OPCML: variants seen among roughly 807,000 people sequenced by gnomAD.
OPCML encodes the protein opioid-binding protein/cell adhesion molecule.
Under a neutral mutation model 37.8 loss-of-function variants are expected in OPCML, and 13 were observed. The ratio of observed to expected loss-of-function variants is 0.34; its 90% CI spans 0.22 to 0.55. The LOEUF is 0.55. Among genes scored for constraint, OPCML ranks in the 20% least tolerant of loss-of-function variants. The pLI is 0.91. For synonymous variants in OPCML, 176 were observed against 168.8 expected (o/e 1.04, Z -0.33); for missense variants, 341 against 435.6 (o/e 0.78, Z 1.93).
intron 2 of OPCML, 71 bp from the exon 3 acceptor site, chr11:132,657,390 G>A (rs570890015): frequency 7.8e-6 from 12 of 1,538,528 alleles, no homozygotes; most frequent in African/African-American, 4.1e-5. Context: ...TATATAATAT[G>A]GTAAATAAGA....
intron 1 of OPCML, among the ~76,000 whole-genome samples, chr11:133,110,479 G>A (rs935080541): frequency 2.0e-5 from 3 of 152,122 alleles, no homozygotes; most frequent in African/African-American, 4.8e-5. Flanking sequence ...GCCCCCGTGC[G>A]TGATCCTACA....
At chr11:133,477,759 T>C (rs780215851) in intron 1 of OPCML, among the ~76,000 whole-genome samples, 20 of 152,162 alleles carry the variant, frequency 1.3e-4, no homozygotes, top group Admixed American at 2.6e-4. Flanking sequence ...TTTCTCAATC[T>C]CCTGGGGAGA....
intron 1 of OPCML, among the ~76,000 whole-genome samples, chr11:133,046,946 CA>C (rs1948028647): frequency 9.9e-6 from 1 of 100,560 alleles, no homozygotes; most frequent in African/African-American, 6.2e-5. Flanking sequence ...TTTAACTTTA[CA>C]ATTTTTTTTT....
chr11:133,316,103 C>T, intron 1 of OPCML, among the ~76,000 whole-genome samples: 1 of 152,016 alleles, frequency 6.6e-6, no homozygotes, highest in South Asian at 2.1e-4. Context: ...GAATTATAGG[C>T]AGACAGTGAA....
chr11:133,279,302 T>A lies in OPCML; in HGVS notation c.61+252962A>T, dbSNP rs1418303880. ...ATCCTCTCAGAATAGGTCATTTCTT[T>A]TTCAGGTCTTTATTCATGCTACAAA... On this transcript the variant is annotated intron_variant, in intron 1 of 7. Transcript: ENST00000524381. 3.3e-5 allele frequency among the ~76,000 whole-genome samples: 5 copies of A among 152,208 alleles called. No homozygotes were observed. The East Asian group carries it at 5.8e-4, about 18-fold the overall frequency.
At chr11:133,510,714 A>G (rs1948138205) in intron 1 of OPCML, among the ~76,000 whole-genome samples, 2 of 152,110 alleles carry the variant, frequency 1.3e-5, no homozygotes, top group Admixed American at 1.3e-4. Context: ...CCTGACCTAC[A>G]CGTTACCATG....
chr11:132,449,400 C>T (rs988394677), intron 4 of OPCML, among the ~76,000 whole-genome samples: 12 of 152,274 alleles, frequency 7.9e-5, no homozygotes, highest in Admixed American at 5.9e-4. Flanking sequence ...TATAACTAAT[C>T]ATCCACTTAG....
chr11:133,240,049 A>G (rs1940666231), intron 1 of OPCML, among the ~76,000 whole-genome samples: 1 of 152,012 alleles, frequency 6.6e-6, no homozygotes, highest in Admixed American at 6.6e-5. Context: ...CCAATTATTC[A>G]TTAAATAATT....
chr11:133,414,387 AGT>A (rs1297763540), intron 1 of OPCML, among the ~76,000 whole-genome samples: 5 of 152,168 alleles, frequency 3.3e-5, no homozygotes, highest in Non-Finnish European at 7.3e-5. Flanking sequence ...GATTTGCAGA[AGT>A]GTGTTAGGGG....
At chr11:132,993,827 C>A (rs59850341) in intron 1 of OPCML, among the ~76,000 whole-genome samples, 15,137 of 152,128 alleles carry the variant, frequency 0.1, 1,165 homozygotes, top group African/African-American at 0.21. Flanking sequence ...CCCCCCCACC[C>A]CGGAATCTGA....
intron 1 of OPCML, among the ~76,000 whole-genome samples, chr11:133,194,429 C>T (rs567527222): frequency 4.6e-5 from 7 of 152,180 alleles, no homozygotes; most frequent in African/African-American, 1.2e-4. Flanking sequence ...TGACTGGTCT[C>T]GAATTCCTGA....
intron 1 of OPCML, among the ~76,000 whole-genome samples, chr11:133,130,011 T>C (rs181546049): frequency 4.2e-4 from 64 of 151,956 alleles, no homozygotes; most frequent in African/African-American, 1.5e-3. Context: ...ACAAATTATG[T>C]ATAGATATTA....
At chr11:133,379,334 T>A (rs949930271) in intron 1 of OPCML, among the ~76,000 whole-genome samples, 1 of 152,196 alleles carries the variant, frequency 6.6e-6, no homozygotes, top group Non-Finnish European at 1.5e-5. Context: ...GTCTGATCAT[T>A]TATTTCTGCC....
chr11:133,369,577 A>G (rs1464676863), intron 1 of OPCML, among the ~76,000 whole-genome samples: 5 of 152,218 alleles, frequency 3.3e-5, no homozygotes, highest in South Asian at 2.1e-4. Context: ...ATGACATAAG[A>G]TATTGTCACA....
chr11:133,331,283 G>C (rs1943613730), intron 1 of OPCML, among the ~76,000 whole-genome samples: 1 of 152,174 alleles, frequency 6.6e-6, no homozygotes, highest in Admixed American at 6.5e-5. Flanking sequence ...GCTGTGGGCT[G>C]TGACTTGACC....
At chr11:132,944,135 G>A (rs1386300167) in intron 1 of OPCML, among the ~76,000 whole-genome samples, 4 of 152,026 alleles carry the variant, frequency 2.6e-5, no homozygotes, top group South Asian at 2.1e-4. Flanking sequence ...CCCGACACCC[G>A]CGCCAGCGGA....
chr11:132,661,543 G>A lies in OPCML; in HGVS notation c.147-4224C>T, dbSNP rs541090481. ...GGCTCCTTCCCTGCTGTCTGTGGCC[G>A]TGTCCTGGACTCTCATTAACAAGAA... On this transcript the variant is annotated intron_variant, in intron 2 of 7. Coordinates refer to ENST00000524381, the MANE Select transcript of OPCML (RefSeq NM_001012393.5). Among the ~76,000 whole-genome samples the A allele has an allele frequency of 1.2e-4, 19 of 152,280 alleles. No individual in the cohort carries two copies. The South Asian group carries it at 2.7e-3, about 22-fold the overall frequency.
chr11:132,826,315 C>T (rs941914111), intron 2 of OPCML, among the ~76,000 whole-genome samples: 2 of 152,202 alleles, frequency 1.3e-5, no homozygotes, highest in African/African-American at 4.8e-5. Flanking sequence ...TTGTCATTAA[C>T]TACTTTATTT....
At chr11:132,738,399 T>C (rs1945327509) in intron 2 of OPCML, among the ~76,000 whole-genome samples, 1 of 152,238 alleles carries the variant, frequency 6.6e-6, no homozygotes, top group South Asian at 2.1e-4. Flanking sequence ...CCCTCCCTGC[T>C]TCACTCATAC....
Sources: allele counts gnomAD v4.1 joint callset (sites outside exome capture counted in the v4.1 genomes callset), GRCh38; gene constraint gnomAD v4.1.1; transcripts MANE v1.5; gene names NCBI Gene and HGNC (gene_info 2026-07-23, HGNC 2026-07-21).